Variants in ACADVL observed in about 807,000 individuals in gnomAD.
ACADVL encodes the protein very long-chain acyl-CoA dehydrogenase, mitochondrial.
A neutral mutation model predicts 80.4 loss-of-function variants in ACADVL; 73 were observed. That is an observed-to-expected ratio of 0.91 (90% CI 0.75 to 1.10). The LOEUF (loss-of-function observed/expected upper bound fraction) is 1.10. Among genes scored for constraint, ACADVL ranks in the 50% least tolerant of loss-of-function variants. ACADVL has a pLI of 0.00. For missense variants in ACADVL, 878 were observed against 858.9 expected, an observed-to-expected ratio of 1.02 and a Z score of -0.28; for synonymous variants, 392 against 326.5, an observed-to-expected ratio of 1.20 and a Z score of -2.16.
intron 2 of ACADVL, 94 bp from the exon 3 acceptor site, chr17:7,220,370 G>A (rs2071136993): frequency 1.3e-6 from 2 of 1,587,914 alleles, no homozygotes; most frequent in Admixed American, 3.4e-5. Context: ...AAAGGTCACC[G>A]CTTCGCGCCG....
intron 6 of ACADVL, 193 bp from the exon 7 acceptor site, chr17:7,221,341 TAAGA>T (rs912039483): frequency 1.9e-6 from 2 of 1,032,602 alleles, no homozygotes; most frequent in African/African-American, 3.2e-5. Flanking sequence ...TACCTAGACC[TAAGA>T]CAGACCAGCA....
At chr17:7,223,334 C>T (rs1472214329) in intron 11 of ACADVL, 97 bp downstream of exon 11, 4 of 1,149,756 alleles carry the variant, frequency 3.5e-6, no homozygotes, top group Non-Finnish European at 5.3e-6. Flanking sequence ...CAGTGGGTCT[C>T]CAGCTTTACA....
chr17:7,222,936 G>C, intron 10 of ACADVL, 71 bp downstream of exon 10: 1 of 1,576,250 alleles, frequency 6.3e-7, no homozygotes, highest in South Asian at 1.1e-5. Context: ...ATGTGTCCCT[G>C]ATCACTTGCA....
upstream of ACADVL, chr17:7,219,630 C>A (rs577538299): frequency 4.9e-6 from 6 of 1,231,594 alleles, no homozygotes; most frequent in Admixed American, 3.6e-5. Context: ...CTAACCCCAC[C>A]GGAGAAGCCC....
Position 7,225,012 on chromosome 17 carries a change from A to G in ACADVL, c.1883A>G (p.Gln628Arg). The G allele has an allele frequency of 6.2e-7, 1 of 1,614,104 alleles. No individual in the cohort carries two copies. The highest frequency in any genetic ancestry group is 8.5e-7 in the Non-Finnish European group (1 of 1,180,040). ...GCCCTGCAGTCTGACCCCTGGCAGC[A>G]AGAGCTCTACCGCAACTTCAAAAGC... is the stretch of plus-strand genomic sequence containing the variant. ...MAALQSDPWQ[Q>R]ELYRNFKSIS... is the part of the protein sequence containing the mutation. The change falls in exon 20 of 20, where the codon CAA becomes CGA. Residue 628 changes from glutamine (Q) to arginine (R), a missense_variant. Coordinates refer to ENST00000356839, the MANE Select transcript of ACADVL (RefSeq NM_000018.4).
Position 7,220,818 on chromosome 17 carries a change from C to T in ACADVL, c.330C>T (p.Ser110=). Reference sequence around the variant, plus strand: ...TTAAAGAGCTGGTGGAGCCTGTGTCCCGTTTCTTCGAGGTAAGGAATGACT... The same window carrying T: ...TTAAAGAGCTGGTGGAGCCTGTGTCTCGTTTCTTCGAGGTAAGGAATGACT... ...QFLKELVEPV[S]RFFEEVNDPA... is the part of the protein sequence containing the mutation. The change falls in exon 5 of 20, where the codon TCC becomes TCT. Residue 110 remains serine (S), a synonymous_variant. Coordinates refer to ENST00000356839, the MANE Select transcript of ACADVL (RefSeq NM_000018.4). 6.2e-7 allele frequency: 1 copy of T among 1,614,056 alleles called. No homozygotes were observed. The highest frequency in any genetic ancestry group is 8.5e-7 in the Non-Finnish European group (1 of 1,180,028).
At chr17:7,221,457 T>C in intron 6 of ACADVL, 81 bp from the exon 7 acceptor site, 2 of 1,602,382 alleles carry the variant, frequency 1.2e-6, no homozygotes, top group South Asian at 1.1e-5. Context: ...GGTCAGGAAC[T>C]GCCCTGTTGC....
At chr17:7,217,672 T>C, upstream of ACADVL, 1 of 1,145,836 alleles carries the variant, frequency 8.7e-7, no homozygotes, top group Non-Finnish European at 1.1e-6. Context: ...GGAGCCAGAA[T>C]GGGGGGGGTG....
Position 7,220,459 on chromosome 17 carries a change from C to G in ACADVL, c.139-5C>G, listed in dbSNP as rs769138546. On this transcript the variant is annotated splice_region_variant and splice_polypyrimidine_tract_variant and intron_variant, in intron 2 of 19. Transcript: ENST00000356839. Reference sequence around the variant, plus strand: ...CCTGAACTTGCTAACCGTCTCTTTTCCCAGCTGGCTCTGGACAAGTCAGAT... The same window carrying G: ...CCTGAACTTGCTAACCGTCTCTTTTGCCAGCTGGCTCTGGACAAGTCAGAT... 2.5e-6 allele frequency: 4 copies of G among 1,614,240 alleles called. No individual in the cohort carries two copies. The highest frequency in any genetic ancestry group is 3.4e-6 in the Non-Finnish European group (4 of 1,180,038).
intron 2 of ACADVL, 90 bp downstream of exon 2, chr17:7,220,287 G>GTA: frequency 2.7e-6 from 4 of 1,500,752 alleles, no homozygotes; most frequent in Non-Finnish European, 3.6e-6. Context: ...TTGGTGCCAG[G>GTA]TACCTGCCTA....
rs1014076291 is a variant in ACADVL, at chr17:7,220,485, T to G, written c.160T>G (p.Ser54Ala). ...AAQLALDKSD[S>A]HPSDALTRKK... ...CCAGCTGGCTCTGGACAAGTCAGAT[T>G]CCCACCCCTCTGACGCTCTGACCAG... Residue 54 changes from serine to alanine, a missense_variant, in exon 3 of 20, where the codon TCC becomes GCC. Physicochemically the swap from Ser to Ala is moderately conservative, Grantham distance 99. Coordinates refer to ENST00000356839, the MANE Select transcript of ACADVL (RefSeq NM_000018.4). The G allele has an allele frequency of 3.1e-6, 5 of 1,614,152 alleles. No homozygotes were observed. The highest frequency in any genetic ancestry group is 4.2e-6 in the Non-Finnish European group (5 of 1,180,030).
upstream of ACADVL, chr17:7,218,666 C>G: frequency 1.3e-6 from 2 of 1,552,642 alleles, no homozygotes; most frequent in Non-Finnish European, 1.7e-6. Flanking sequence ...AGAATTGGGA[C>G]AGGGAAGATG....
upstream of ACADVL, chr17:7,217,935 G>A: frequency 5.2e-6 from 5 of 964,210 alleles, no homozygotes; most frequent in South Asian, 7.6e-5. Flanking sequence ...GTGTGAGGGA[G>A]GAGCTGAAGG....
intron 9 of ACADVL, 144 bp downstream of exon 9, chr17:7,222,446 C>T (rs2071276963): frequency 7.5e-7 from 1 of 1,325,232 alleles, no homozygotes; most frequent in Non-Finnish European, 1.0e-6. Context: ...AATATGTATG[C>T]AACTGAGCTA....
intron 13 of ACADVL, 35 bp downstream of exon 13, chr17:7,223,910 C>T (rs754425233): frequency 2.5e-6 from 4 of 1,613,598 alleles, no homozygotes; most frequent in African/African-American, 1.3e-5. Flanking sequence ...CTCGGCTGGG[C>T]CAGGGGTGGG....
At chr17:7,219,879 G>C (rs771984326), upstream of ACADVL, 8 of 1,541,628 alleles carry the variant, frequency 5.2e-6, no homozygotes, top group East Asian at 2.4e-5. Context: ...CCGCCGCCCG[G>C]TGCACTGTGG....
In ACADVL at chr17:7,222,656, C is replaced by A; in HGVS notation, c.879-11C>A. ...AACACACCTCTGCTTTCCCACACTGCCCTGACACAGTGGGCCCCCTGAGAA... is the reference window on the plus strand; with the variant it reads ...AACACACCTCTGCTTTCCCACACTGACCTGACACAGTGGGCCCCCTGAGAA... On this transcript the variant is annotated splice_polypyrimidine_tract_variant and intron_variant, in intron 9 of 19. Coordinates refer to ENST00000356839, the MANE Select transcript of ACADVL (RefSeq NM_000018.4). 4 of 1,611,328 alleles carry A rather than the reference C, an allele frequency of 2.5e-6. No individual in the cohort carries two copies. The highest frequency in any genetic ancestry group is 3.4e-6 in the Non-Finnish European group (4 of 1,178,496).
rs1555527593 is a variant in ACADVL, at chr17:7,220,376, C to T, written c.139-88C>T. The T allele has an allele frequency of 5.7e-6, 9 of 1,592,714 alleles. No individual in the cohort carries two copies. The South Asian group carries it at 8.8e-5, about 16-fold the overall frequency. ...AACTAGGGGAAAGGTCACCGCTTCG[C>T]GCCGCCTCCCCGCGCGGCTCTCGCC... On this transcript the variant is annotated intron_variant, in intron 2 of 19. Coordinates refer to ENST00000356839, the MANE Select transcript of ACADVL (RefSeq NM_000018.4).
At position 7,221,951 on chromosome 17, in the gene ACADVL, G is replaced by A. The variant is rs1597526782; in HGVS notation, c.623-1G>A. ...GGGTAAAGTAGCTCTCTCCCCAACA[G>A]GGGAGACTGTGGCCGCTTTCTGTCT... On this transcript the variant is annotated splice_acceptor_variant, in intron 7 of 19. Coordinates refer to ENST00000356839, the MANE Select transcript of ACADVL (RefSeq NM_000018.4). LOFTEE classifies it high-confidence loss of function. The A allele has an allele frequency of 6.2e-7, 1 of 1,614,100 alleles. No homozygotes were observed. Among genetic ancestry groups the A allele is most frequent in the Non-Finnish European group, 8.5e-7 (1 of 1,180,018 alleles).
Sources: gnomAD v4.1 joint callset for allele counts on GRCh38, gnomAD v4.1.1 for gene constraint, MANE v1.5 for transcripts, NCBI Gene and HGNC (gene_info 2026-07-23, HGNC 2026-07-21) for gene names.